SYT16: variants seen among roughly 807,000 people sequenced by gnomAD.
The protein encoded by SYT16 is synaptotagmin-16.
In SYT16, 42 loss-of-function variants were observed where a neutral mutation model predicts 61.4. The observed-to-expected ratio is 0.68, with a 90% CI of 0.53 to 0.89. The LOEUF is 0.89. Among genes scored for constraint, SYT16 ranks in the 40% least tolerant of loss-of-function variants. The pLI is 0.00. For synonymous variants in SYT16, 314 were observed against 302.3 expected (o/e 1.04, Z -0.40); for missense variants, 804 against 807.3 (o/e 1.00, Z 0.05).
intron 1 of SYT16, among the ~76,000 whole-genome samples, chr14:61,850,359 T>C (rs1459566922): frequency 6.6e-6 from 1 of 152,106 alleles, no homozygotes; most frequent in African/African-American, 2.4e-5. Context: ...GGTCTCAAAC[T>C]CCTGACCTTA....
At chr14:62,091,066 G>A (rs1369058849) in intron 7 of SYT16, among the ~76,000 whole-genome samples, 2 of 152,086 alleles carry the variant, frequency 1.3e-5, no homozygotes, top group Non-Finnish European at 2.9e-5. Context: ...GATTTGGCTG[G>A]GGACACAGTC....
At chr14:61,893,046 T>A (rs745352338) in intron 1 of SYT16, among the ~76,000 whole-genome samples, 13 of 152,062 alleles carry the variant, frequency 8.5e-5, no homozygotes, top group Non-Finnish European at 1.6e-4. Context: ...GAAAAGAGTA[T>A]AAAACAGGCC....
chr14:62,100,406 A>G lies in SYT16; in HGVS notation c.1637A>G (p.Lys546Arg), dbSNP rs757337117. ...TTTTTTGTCTTAGATACATATGGAA[A>G]ACTCTTTCTCCTCAATTCTGTGGGT... ...AVNRAPDTYG[K>R]LFLLNSVGQE... The change falls in exon 8 of 8, where the codon AAA becomes AGA. Residue 546 changes from lysine (K) to arginine (R), a missense_variant. Lys to Arg is a conservative substitution (Grantham distance 26). Coordinates refer to ENST00000683842, the MANE Select transcript of SYT16 (RefSeq NM_001367656.1). The G allele has an allele frequency of 4.4e-6, 7 of 1,605,186 alleles. No individual in the cohort carries two copies. The African/African-American group carries it at 8.0e-5, about 18-fold the overall frequency.
intron 1 of SYT16, among the ~76,000 whole-genome samples, chr14:61,899,926 A>G (rs1404952759): frequency 6.6e-6 from 1 of 152,030 alleles, no homozygotes; most frequent in Non-Finnish European, 1.5e-5. Flanking sequence ...GTGTTGATCT[A>G]AAAAATGGAA....
chr14:61,974,414 G>A (rs943411427), intron 2 of SYT16, among the ~76,000 whole-genome samples: 3 of 152,194 alleles, frequency 2.0e-5, no homozygotes, highest in Non-Finnish European at 2.9e-5. Flanking sequence ...TTGCAGTCTT[G>A]AAATCCTTAG....
Position 62,054,973 on chromosome 14 carries a change from A to G in SYT16, c.524-14630A>G, listed in dbSNP as rs1314284018. ...TTACACATCCCAGGCCCTTCATTTT[A>G]GAATCTATGGCAATGAGATTAAAAA... On this transcript the variant is annotated intron_variant, in intron 3 of 7. Transcript: ENST00000683842. Among the ~76,000 whole-genome samples, 6 of 152,232 alleles carry G rather than the reference A, an allele frequency of 3.9e-5. No homozygotes were observed. In the South Asian group the frequency reaches 8.3e-4, roughly 21 times the overall value.
At chr14:62,070,443 T>C (rs933421544) in intron 4 of SYT16, among the ~76,000 whole-genome samples, 4 of 152,170 alleles carry the variant, frequency 2.6e-5, no homozygotes, top group African/African-American at 4.8e-5. Flanking sequence ...CAAAGTCTTA[T>C]GTCATTTTCC....
At chr14:61,886,280 T>A (rs1012379133) in intron 1 of SYT16, among the ~76,000 whole-genome samples, 6 of 152,124 alleles carry the variant, frequency 3.9e-5, no homozygotes, top group South Asian at 2.1e-4. Context: ...GGCAATTTTT[T>A]AAAATAAGAC....
At chr14:62,032,535 T>G (rs989365296) in intron 3 of SYT16, among the ~76,000 whole-genome samples, 2 of 152,114 alleles carry the variant, frequency 1.3e-5, no homozygotes, top group Non-Finnish European at 2.9e-5. Context: ...CTTGAATTTA[T>G]GAATATATTA....
chr14:61,867,250 T>C (rs1439089140), intron 1 of SYT16, among the ~76,000 whole-genome samples: 4 of 152,098 alleles, frequency 2.6e-5, no homozygotes, highest in Non-Finnish European at 5.9e-5. Context: ...TATTTCCATG[T>C]CAATTTTAGA....
chr14:62,061,360 A>T (rs1354596621), intron 3 of SYT16, among the ~76,000 whole-genome samples: 1 of 152,182 alleles, frequency 6.6e-6, no homozygotes, highest in African/African-American at 2.4e-5. Context: ...GATGCAACAA[A>T]TAGAAAACAA....
rs1024137015 is a variant in SYT16, at chr14:62,105,908, T to C, written c.*5201T>C. 2.6e-5 allele frequency: 4 copies of C among 152,146 alleles called. No individual in the cohort carries two copies. Among genetic ancestry groups the C allele is most frequent in the Non-Finnish European group, 5.9e-5 (4 of 68,024 alleles). The allele number at this position is 152,146 out of a possible 1,614,324, so 9.4% of individuals were successfully genotyped here. Reference sequence around the variant, plus strand: ...CAATTAAGGAGAAACATGAAGACATTGGAGAATCACTTAGCTTAGGGCTTT... The same window carrying C: ...CAATTAAGGAGAAACATGAAGACATCGGAGAATCACTTAGCTTAGGGCTTT... On this transcript the variant is annotated 3_prime_UTR_variant, in exon 8 of 8. Coordinates refer to ENST00000683842, the MANE Select transcript of SYT16 (RefSeq NM_001367656.1).
Position 62,108,594 on chromosome 14 carries a change from CTT to C in SYT16, c.*7889_*7890del. On this transcript the variant is annotated 3_prime_UTR_variant, in exon 8 of 8. Coordinates refer to ENST00000683842, the MANE Select transcript of SYT16 (RefSeq NM_001367656.1). Reference sequence around the variant, plus strand: ...ACATTTCCTTGTGGGTTATGATAATCTTTATTAATTCACAACTCTACCAAATT... The same window carrying C: ...ACATTTCCTTGTGGGTTATGATAATCTATTAATTCACAACTCTACCAAATT... 6.6e-6 allele frequency: 1 copy of C among 152,122 alleles called. No homozygotes were observed. The highest frequency in any genetic ancestry group is 1.5e-5 in the Non-Finnish European group (1 of 68,016). The allele number at this position is 152,122 out of a possible 1,614,324, so 9.4% of individuals were successfully genotyped here. A position where few individuals can be genotyped will look rare whatever the true frequency, so the allele number is the denominator to read the frequency against.
At chr14:61,980,180 AATCTAAGTTGC>A (rs2052012003) in intron 2 of SYT16, among the ~76,000 whole-genome samples, 2 of 152,238 alleles carry the variant, frequency 1.3e-5, no homozygotes, top group South Asian at 4.1e-4. Context: ...ACTTGTGAGT[AATCTAAGTTGC>A]AAGGTATTTT....
intron 1 of SYT16, among the ~76,000 whole-genome samples, chr14:61,824,542 C>T (rs547840078): frequency 2.0e-5 from 3 of 152,134 alleles, no homozygotes; most frequent in South Asian, 4.2e-4. Flanking sequence ...TTAGTAGAGA[C>T]GGGGTTTCAC....
Position 61,816,990 on chromosome 14 carries a change from G to A in SYT16, c.-325+4180G>A, listed in dbSNP as rs371636992. ...CCTGCCACTGCACTCCAGCCTGGGC[G>A]ACAGAGTGAGGCTCCGTCACACACA... is the stretch of plus-strand genomic sequence containing the variant. On this transcript the variant is annotated intron_variant, in intron 1 of 7. Coordinates refer to ENST00000683842, the MANE Select transcript of SYT16 (RefSeq NM_001367656.1). Among the ~76,000 whole-genome samples, 472 of 135,938 alleles carry A rather than the reference G, an allele frequency of 3.5e-3. 1 individual carries two copies. Among genetic ancestry groups the A allele is most frequent in the African/African-American group, 0.013 (438 of 34,664 alleles). 89.2% of individuals were successfully genotyped at this position (135,938 alleles called of 152,430 possible). A position where few individuals can be genotyped will look rare whatever the true frequency, so the allele number is the denominator to read the frequency against.
At chr14:61,991,909 G>A (rs1376839309) in intron 2 of SYT16, among the ~76,000 whole-genome samples, 1 of 152,024 alleles carries the variant, frequency 6.6e-6, no homozygotes, top group Non-Finnish European at 1.5e-5. Context: ...AAAGGAATCA[G>A]GTTTACTTAG....
intron 4 of SYT16, among the ~76,000 whole-genome samples, chr14:62,074,440 G>T (rs1314020063): frequency 6.6e-6 from 1 of 152,212 alleles, no homozygotes; most frequent in Non-Finnish European, 1.5e-5. Context: ...AAATGGGGTT[G>T]GATGGGTTGG....
chr14:61,947,874 A>G (rs534522027), intron 1 of SYT16, among the ~76,000 whole-genome samples: 1 of 152,310 alleles, frequency 6.6e-6, no homozygotes, highest in African/African-American at 2.4e-5. Flanking sequence ...TTGACTTTCC[A>G]GAGGGTCCTA....
Sources: gnomAD v4.1 joint callset for allele counts (sites outside exome capture counted in the v4.1 genomes callset) on GRCh38, gnomAD v4.1.1 for gene constraint, MANE v1.5 for transcripts, NCBI Gene and HGNC (gene_info 2026-07-23, HGNC 2026-07-21) for gene names.